The following PMFBP1 variants were observed in gnomAD, a reference collection of about 807,000 sequenced individuals.
The protein encoded by PMFBP1 is polyamine-modulated factor 1-binding protein 1.
Under a neutral mutation model 137.8 loss-of-function variants are expected in PMFBP1, and 131 were observed. That is an observed-to-expected ratio of 0.95 (90% confidence interval 0.82 to 1.10). PMFBP1 has a LOEUF of 1.10. PMFBP1 is among the 50% of genes least tolerant of loss of function. The probability of loss-of-function intolerance (pLI) is 0.00; values close to 1 mark genes in which losing one functional copy is unlikely to be tolerated. For missense variants in PMFBP1, 1,199 were observed against 1,175.4 expected (o/e 1.02, Z -0.29); for synonymous variants, 490 against 450.4 (o/e 1.09, Z -1.11).
In PMFBP1 at chr16:72,125,408, TC is replaced by T. The variant is rs777342937; in HGVS notation, c.2254-4del. ...GTCTCTGAGGTCACGTGATTGAGCT[TC>T]CGGAAAAGACAAAGAGGACGAATGG... On this transcript the variant is annotated splice_polypyrimidine_tract_variant and splice_region_variant and intron_variant, in intron 15 of 20. Transcript: ENST00000237353. The T allele has an allele frequency of 6.2e-7, 1 of 1,608,254 alleles. No individual in the cohort carries two copies. Among genetic ancestry groups the T allele is most frequent in the East Asian group, 2.2e-5 (1 of 44,848 alleles).
the PMFBP1 span, among the ~76,000 whole-genome samples, chr16:72,248,374 A>G: frequency 6.6e-6 from 1 of 152,232 alleles, no homozygotes; most frequent in African/African-American, 2.4e-5. Context: ...GCTTAAACTT[A>G]CAAGTTAAAA....
At chr16:72,154,774 G>A (rs1452058710) in intron 3 of PMFBP1, among the ~76,000 whole-genome samples, 1 of 152,126 alleles carries the variant, frequency 6.6e-6, no homozygotes, top group African/African-American at 2.4e-5. Flanking sequence ...ATGCTGAGGT[G>A]TTGCCTTCCC....
chr16:72,237,945 G>C, the PMFBP1 span, among the ~76,000 whole-genome samples: 1 of 152,154 alleles, frequency 6.6e-6, no homozygotes, highest in African/African-American at 2.4e-5. Context: ...ATGGCCTCTA[G>C]CTCCATCCAT....
chr16:72,141,257 A>C (rs4238964), intron 5 of PMFBP1, among the ~76,000 whole-genome samples: 74,693 of 152,028 alleles, frequency 0.49, 19,615 homozygotes, highest in African/African-American at 0.68. Flanking sequence ...TGTCTTATAC[A>C]GTATTTAAAC....
the PMFBP1 span, among the ~76,000 whole-genome samples, chr16:72,218,645 A>T: frequency 0.079 from 12,087 of 152,288 alleles, 567 homozygotes; most frequent in East Asian, 0.1. Flanking sequence ...TAAAATTTCA[A>T]ATATCAACTT....
At chr16:72,121,293 C>A (rs1396205633) in intron 19 of PMFBP1, among the ~76,000 whole-genome samples, 1 of 152,210 alleles carries the variant, frequency 6.6e-6, no homozygotes, top group Non-Finnish European at 1.5e-5. Flanking sequence ...CCCTCACTCC[C>A]AGTGCTGGTG....
chr16:72,186,063 C>T, the PMFBP1 span, among the ~76,000 whole-genome samples: 1 of 152,158 alleles, frequency 6.6e-6, no homozygotes, highest in African/African-American at 2.4e-5. Flanking sequence ...AGGAGGGGTC[C>T]ACCCATCATT....
At chr16:72,151,372 T>C (rs1384412146) in intron 4 of PMFBP1, among the ~76,000 whole-genome samples, 1 of 152,246 alleles carries the variant, frequency 6.6e-6, no homozygotes, top group Non-Finnish European at 1.5e-5. Context: ...AGATATTTAT[T>C]GAAAGCTCAC....
At chr16:72,201,865 C>G in the PMFBP1 span, among the ~76,000 whole-genome samples, 1 of 152,182 alleles carries the variant, frequency 6.6e-6, no homozygotes, top group African/African-American at 2.4e-5. Context: ...ACAAATTCCA[C>G]GAGGCCTTCA....
At chr16:72,193,123 G>C in the PMFBP1 span, among the ~76,000 whole-genome samples, 3 of 152,070 alleles carry the variant, frequency 2.0e-5, no homozygotes, top group African/African-American at 7.2e-5. Flanking sequence ...ATGGTAGGTC[G>C]CGCCTGTAAT....
At chr16:72,221,870 G>C in the PMFBP1 span, among the ~76,000 whole-genome samples, 1 of 152,162 alleles carries the variant, frequency 6.6e-6, no homozygotes. Flanking sequence ...AATATTTTAT[G>C]TATCAGTGAT....
chr16:72,157,316 G>C (rs948965442), intron 3 of PMFBP1, among the ~76,000 whole-genome samples: 58 of 151,970 alleles, frequency 3.8e-4, no homozygotes, highest in African/African-American at 1.3e-3. Context: ...CAACAGGGGA[G>C]AGTGAAACGG....
chr16:72,242,156 CA>C, the PMFBP1 span, among the ~76,000 whole-genome samples: 2 of 152,280 alleles, frequency 1.3e-5, no homozygotes, highest in East Asian at 3.9e-4. Context: ...CCTTGATTAT[CA>C]GACATTAAAA....
chr16:72,218,301 A>G, the PMFBP1 span, among the ~76,000 whole-genome samples: 6 of 152,170 alleles, frequency 3.9e-5, no homozygotes, highest in Non-Finnish European at 7.4e-5. Flanking sequence ...TTGAAAAACT[A>G]TATTTCCCAG....
At chr16:72,249,835 C>T in the PMFBP1 span, among the ~76,000 whole-genome samples, 3 of 140,350 alleles carry the variant, frequency 2.1e-5, no homozygotes, top group Non-Finnish European at 4.5e-5. Context: ...GCAGGAGAAT[C>T]GTTTGAACCC....
Position 72,139,342 on chromosome 16 carries a change from C to T in PMFBP1, c.865G>A (p.Ala289Thr), listed in dbSNP as rs755199627. 1.4e-5 allele frequency: 22 copies of T among 1,614,042 alleles called. No homozygotes were observed. The Admixed American group carries it at 3.7e-4, about 27-fold the overall frequency. Reference protein sequence around the residue: ...KLQADFASCTATHRYPPSSSE... With the variant: ...KLQADFASCTTTHRYPPSSSE... ...GAGCTAGGAGGGTATCTGTGGGTGG[C>T]TGTACAGGAAGCAAAATCGGCTTGT... Residue 289 changes from alanine (A) to threonine (T), a missense_variant, in exon 7 of 21, where the codon GCC (alanine) becomes ACC (threonine). By Grantham distance (58) the Ala-to-Thr change is moderately conservative (BLOSUM62 0). Transcript: ENST00000237353.
the PMFBP1 span, among the ~76,000 whole-genome samples, chr16:72,238,429 T>G: frequency 5.3e-5 from 8 of 152,274 alleles, no homozygotes; most frequent in Non-Finnish European, 7.3e-5. Flanking sequence ...CATGTAATTG[T>G]TGGCTGCATG....
At chr16:72,173,756 A>C (rs925202542), upstream of PMFBP1, among the ~76,000 whole-genome samples, 1 of 152,226 alleles carries the variant, frequency 6.6e-6, no homozygotes, top group Admixed American at 6.5e-5. Flanking sequence ...ACGAAATGCC[A>C]TGTGAACCTT....
the PMFBP1 span, among the ~76,000 whole-genome samples, chr16:72,185,455 A>G: frequency 2.0e-5 from 3 of 152,118 alleles, no homozygotes; most frequent in Middle Eastern, 3.4e-3. Context: ...GGCTATGTGC[A>G]TTATTCCATT....
Sources: allele counts gnomAD v4.1 joint callset (sites outside exome capture counted in the v4.1 genomes callset), GRCh38; gene constraint gnomAD v4.1.1; transcripts MANE v1.5; gene names NCBI Gene and HGNC (gene_info 2026-07-23, HGNC 2026-07-21).